TMEM163: variants seen among roughly 807,000 people sequenced by gnomAD.
TMEM163 encodes the protein transmembrane protein 163.
TMEM163 carries 17 observed loss-of-function variants against 29.3 expected under a neutral mutation model. The ratio of observed to expected loss-of-function variants is 0.58; its 90% CI spans 0.40 to 0.87. TMEM163 has a LOEUF of 0.87. Among genes scored for constraint, TMEM163 ranks in the 40% least tolerant of loss-of-function variants. The pLI, the probability that TMEM163 is intolerant of heterozygous loss-of-function variation, is 0.00. For synonymous variants in TMEM163, 157 were observed against 160.6 expected (o/e 0.98, Z 0.17); for missense variants, 303 against 381.5 (o/e 0.79, Z 1.71).
intron 4 of TMEM163, among the ~76,000 whole-genome samples, chr2:134,525,922 C>T (rs757216659): frequency 2.6e-5 from 4 of 152,204 alleles, no homozygotes; most frequent in African/African-American, 7.2e-5. Context: ...ACAAGGAGAA[C>T]GGTTTGCAAA....
intron 4 of TMEM163, among the ~76,000 whole-genome samples, chr2:134,524,954 C>T (rs1366378060): frequency 7.4e-6 from 1 of 135,226 alleles, no homozygotes; most frequent in African/African-American, 2.7e-5. Context: ...CATTGCCTTC[C>T]ACAATGGTTG....
intron 4 of TMEM163, among the ~76,000 whole-genome samples, chr2:134,546,346 A>G (rs555232270): frequency 2.6e-5 from 4 of 152,196 alleles, no homozygotes; most frequent in Non-Finnish European, 5.9e-5. Flanking sequence ...ACAATAGAAT[A>G]TTATTCAGCC....
At chr2:134,674,185 A>C (rs1684054432) in intron 2 of TMEM163, among the ~76,000 whole-genome samples, 1 of 152,164 alleles carries the variant, frequency 6.6e-6, no homozygotes, top group Non-Finnish European at 1.5e-5. Flanking sequence ...CTTTCTGTAC[A>C]TAAATCACAT....
chr2:134,715,589 A>T (rs1685021353), intron 1 of TMEM163, among the ~76,000 whole-genome samples: 1 of 152,246 alleles, frequency 6.6e-6, no homozygotes, highest in Non-Finnish European at 1.5e-5. Flanking sequence ...CTAAGAATGG[A>T]AAACTTTGCA....
intron 2 of TMEM163, among the ~76,000 whole-genome samples, chr2:134,600,057 T>A (rs1038330957): frequency 6.6e-6 from 1 of 152,162 alleles, no homozygotes; most frequent in East Asian, 1.9e-4. Flanking sequence ...TTTGTCTGCT[T>A]TGTTCCCTTC....
chr2:134,586,160 C>T lies in TMEM163; in HGVS notation c.323-34069G>A, dbSNP rs146384844. On this transcript the variant is annotated intron_variant, in intron 2 of 7. Transcript: ENST00000281924. ...CACCTGTTGGAGAAATGGCTGTTTC[C>T]AGGGCAATTTCCTTTTCTTTAGTGA... Among the ~76,000 whole-genome samples the T allele has an allele frequency of 7.7e-4, 118 of 152,278 alleles. 3 individuals carry two copies. The East Asian group carries it at 0.017, about 22-fold the overall frequency.
At chr2:134,480,791 A>G (rs1223236042) in intron 5 of TMEM163, among the ~76,000 whole-genome samples, 1 of 151,202 alleles carries the variant, frequency 6.6e-6, no homozygotes, top group Non-Finnish European at 1.5e-5. Flanking sequence ...GTGCTCGACT[A>G]ACACCCTGCC....
At chr2:134,517,437 C>T (rs1680097500) in intron 4 of TMEM163, among the ~76,000 whole-genome samples, 1 of 152,194 alleles carries the variant, frequency 6.6e-6, no homozygotes, top group African/African-American at 2.4e-5. Context: ...AGCTAGTCAA[C>T]TGAGCTGGGA....
intron 1 of TMEM163, 32 bp from the exon 2 acceptor site, chr2:134,713,351 C>T (rs777862553): frequency 1.1e-5 from 18 of 1,611,436 alleles, no homozygotes; most frequent in East Asian, 2.2e-5. Context: ...GGAAGTTAGA[C>T]ATTTCCTTAC....
At chr2:134,620,112 T>C (rs1379087543) in intron 2 of TMEM163, among the ~76,000 whole-genome samples, 2 of 152,130 alleles carry the variant, frequency 1.3e-5, no homozygotes, top group Non-Finnish European at 1.5e-5. Context: ...CACTATTAAA[T>C]CCCAGCAGGT....
chr2:134,580,242 G>A (rs927530309), intron 2 of TMEM163, among the ~76,000 whole-genome samples: 3 of 152,220 alleles, frequency 2.0e-5, no homozygotes, highest in African/African-American at 7.2e-5. Flanking sequence ...AAGAGAGTTA[G>A]AATTCATTAA....
At chr2:134,531,747 G>A (rs1231011268) in intron 4 of TMEM163, among the ~76,000 whole-genome samples, 1 of 152,216 alleles carries the variant, frequency 6.6e-6, no homozygotes, top group Non-Finnish European at 1.5e-5. Flanking sequence ...CAGGTATCTG[G>A]AGCTTTTTGA....
At chr2:134,700,981 TA>T (rs1000243446) in intron 2 of TMEM163, among the ~76,000 whole-genome samples, 11 of 133,470 alleles carry the variant, frequency 8.2e-5, no homozygotes, top group East Asian at 8.1e-4. Context: ...CCCATTAGTT[TA>T]AAAAAAAATG....
chr2:134,674,023 G>C (rs1451634831), intron 2 of TMEM163, among the ~76,000 whole-genome samples: 1 of 152,168 alleles, frequency 6.6e-6, no homozygotes, highest in African/African-American at 2.4e-5. Context: ...TCCACAAATA[G>C]CAGACTGGTT....
At chr2:134,515,692 A>C (rs1680042490) in intron 4 of TMEM163, among the ~76,000 whole-genome samples, 1 of 152,294 alleles carries the variant, frequency 6.6e-6, no homozygotes, top group Middle Eastern at 3.4e-3. Flanking sequence ...TTTTTTTGTT[A>C]AAGATAAATG....
chr2:134,617,704 CAT>C (rs1284752250), intron 2 of TMEM163, among the ~76,000 whole-genome samples: 1 of 150,952 alleles, frequency 6.6e-6, no homozygotes, highest in African/African-American at 2.4e-5. Flanking sequence ...AAAAATGAGA[CAT>C]AGAAAACAAA....
At chr2:134,600,869 C>A (rs1179015057) in intron 2 of TMEM163, among the ~76,000 whole-genome samples, 4 of 152,116 alleles carry the variant, frequency 2.6e-5, no homozygotes, top group Non-Finnish European at 5.9e-5. Context: ...GCTCCCTCAC[C>A]CATGAGAGAG....
chr2:134,575,424 C>T (rs1370246250), intron 2 of TMEM163, among the ~76,000 whole-genome samples: 1 of 152,174 alleles, frequency 6.6e-6, no homozygotes, highest in African/African-American at 2.4e-5. Context: ...ATGTCATACT[C>T]ACACTTGCCT....
intron 2 of TMEM163, among the ~76,000 whole-genome samples, chr2:134,674,481 C>G (rs1190012688): frequency 7.2e-6 from 1 of 139,290 alleles, no homozygotes; most frequent in Non-Finnish European, 1.5e-5. Context: ...GTAGCTGGGA[C>G]TACAGGCGCG....
Sources: gnomAD v4.1 joint callset for allele counts (sites outside exome capture counted in the v4.1 genomes callset) on GRCh38, gnomAD v4.1.1 for gene constraint, MANE v1.5 for transcripts, NCBI Gene and HGNC (gene_info 2026-07-23, HGNC 2026-07-21) for gene names.